Variants in OSBPL5 observed in about 807,000 individuals in gnomAD.
The protein encoded by OSBPL5 is oxysterol binding protein like 5.
Under a neutral mutation model 111.2 loss-of-function variants are expected in OSBPL5, and 71 were observed. The ratio of observed to expected loss-of-function variants is 0.64; its 90% CI spans 0.53 to 0.78. The LOEUF (loss-of-function observed/expected upper bound fraction) is 0.78, where lower values mean the gene tolerates loss of function less well. Among genes scored for constraint, OSBPL5 ranks in the 30% least tolerant of loss-of-function variants. The pLI is 0.00. For missense variants in OSBPL5, 1,210 were observed against 1,189.3 expected (o/e 1.02, Z -0.26); for synonymous variants, 549 against 513.9 (o/e 1.07, Z -0.93).
At chr11:3,103,729 C>CT (rs1401066255) in intron 10 of OSBPL5, among the ~76,000 whole-genome samples, 5 of 89,404 alleles carry the variant, frequency 5.6e-5, no homozygotes, top group South Asian at 3.7e-4. Context: ...CTCTGCTGCC[C>CT]CTTCCTGCCT....
chr11:3,152,397 C>T (rs1014856840), intron 1 of OSBPL5, among the ~76,000 whole-genome samples: 1 of 152,192 alleles, frequency 6.6e-6, no homozygotes, highest in Non-Finnish European at 1.5e-5. Context: ...ATAGGTGACA[C>T]TGGATTGCCA....
chr11:3,111,741 A>G (rs2134434817), intron 7 of OSBPL5, among the ~76,000 whole-genome samples: 1 of 152,014 alleles, frequency 6.6e-6, no homozygotes, highest in Admixed American at 6.5e-5. Context: ...GAAAAAAAAA[A>G]GAGGAAAGAT....
In OSBPL5 at chr11:3,121,013, G is replaced by A. The variant is rs1344240019; in HGVS notation, c.403-389C>T. Reference sequence around the variant, plus strand: ...AGTTCAAGGTCAAGGGCCTCAGGGAGGAACCAGCAATGAGTGGTGTGACTT... The same window carrying A: ...AGTTCAAGGTCAAGGGCCTCAGGGAAGAACCAGCAATGAGTGGTGTGACTT... On this transcript the variant is annotated intron_variant, in intron 5 of 21. Transcript: ENST00000263650. This position sits in a 1 kb window ranked among gnomAD's most constrained non-coding sequence, Gnocchi z 4.3. 1.3e-5 allele frequency among the ~76,000 whole-genome samples: 2 copies of A among 151,972 alleles called. No individual in the cohort carries two copies. Among genetic ancestry groups the A allele is most frequent in the Admixed American group, 1.3e-4 (2 of 15,250 alleles).
In OSBPL5 at chr11:3,107,574, C is replaced by A; in HGVS notation, c.867-119G>T. ...ATACGTTCCTGCCTGTCGTCACCTCCACAACCCACATTTGACACGATCAGC... is the reference window on the plus strand; with the variant it reads ...ATACGTTCCTGCCTGTCGTCACCTCAACAACCCACATTTGACACGATCAGC... On this transcript the variant is annotated intron_variant, in intron 8 of 21. Transcript: ENST00000263650. The surrounding 1 kb of genome is among the most constrained non-coding windows in gnomAD (Gnocchi z 6.1). The A allele has an allele frequency of 7.2e-7, 1 of 1,383,214 alleles. No individual in the cohort carries two copies. The allele number at this position is 1,383,214 out of a possible 1,614,324, so 85.7% of individuals were successfully genotyped here.
rs1286521404 is a variant in OSBPL5 at position 3,109,494 on chromosome 11, G to T, written c.692-1549C>A. Among the ~76,000 whole-genome samples the T allele has an allele frequency of 6.6e-6, 1 of 152,290 alleles. No homozygotes were observed. The highest frequency in any genetic ancestry group is 1.5e-5 in the Non-Finnish European group (1 of 68,026). On this transcript the variant is annotated intron_variant, in intron 7 of 21. Coordinates refer to ENST00000263650, the MANE Select transcript of OSBPL5 (RefSeq NM_020896.4). The surrounding 1 kb of genome is among the most constrained non-coding windows in gnomAD (Gnocchi z 7.4). ...GAGCCTCTGCCTTTTCGAGCTCCTG[G>T]AGACAGTGAGTTTTTCTCCCTCACT... is the stretch of plus-strand genomic sequence containing the variant.
chr11:3,151,104 G>C (rs112334132), intron 1 of OSBPL5, among the ~76,000 whole-genome samples: 123 of 152,274 alleles, frequency 8.1e-4, no homozygotes, highest in African/African-American at 2.9e-3. Context: ...AGGGGAGAAC[G>C]TGCCGTGAAG....
At chr11:3,159,869 G>A (rs1347498532) in intron 1 of OSBPL5, among the ~76,000 whole-genome samples, 2 of 152,178 alleles carry the variant, frequency 1.3e-5, no homozygotes, top group Non-Finnish European at 2.9e-5. Context: ...CCAGCCATGA[G>A]CCTCACTTTA....
At chr11:3,153,217 G>T (rs1262182372) in intron 1 of OSBPL5, among the ~76,000 whole-genome samples, 1 of 152,138 alleles carries the variant, frequency 6.6e-6, no homozygotes, top group African/African-American at 2.4e-5. Flanking sequence ...GACAATAATA[G>T]AACTTATGGC....
In OSBPL5 at chr11:3,089,752, G is replaced by A. The variant is rs375764993; in HGVS notation, c.2501+94C>T. On this transcript the variant is annotated intron_variant, in intron 21 of 21. Coordinates refer to ENST00000263650, the MANE Select transcript of OSBPL5 (RefSeq NM_020896.4). ...CAGCTCCGATGACAACCCCAGCCGC[G>A]GCCTCCTGGCCTCCCCACCTCCCGC... The A allele has an allele frequency of 1.9e-5, 23 of 1,192,066 alleles. 1 individual carries two copies. Among genetic ancestry groups the A allele is most frequent in the South Asian group, 7.9e-5 (6 of 75,860 alleles). The allele number at this position is 1,192,066 out of a possible 1,614,324, so 73.8% of individuals were successfully genotyped here. A position where few individuals can be genotyped will look rare whatever the true frequency, so the allele number is the denominator to read the frequency against.
At position 3,152,627 on chromosome 11, in the gene OSBPL5, G is replaced by A. The variant is rs566581969; in HGVS notation, c.-22+12589C>T. On this transcript the variant is annotated intron_variant, in intron 1 of 21. Transcript: ENST00000263650. ...AGGCGCGATGGGCTCGGGCTCAGGC[G>A]AGGCACGCAGCGCCCCTAAGCCTGG... is the stretch of plus-strand genomic sequence containing the variant. 4.2e-4 allele frequency among the ~76,000 whole-genome samples: 64 copies of A among 152,310 alleles called. No homozygotes were observed. The South Asian group carries it at 0.013, about 31-fold the overall frequency.
chr11:3,124,920 A>G (rs1858558509), intron 3 of OSBPL5, among the ~76,000 whole-genome samples: 1 of 152,180 alleles, frequency 6.6e-6, no homozygotes, highest in Non-Finnish European at 1.5e-5. Context: ...ATTTGAGGCA[A>G]CAGGGGAAGA....
rs950761189 is a variant in OSBPL5 at position 3,087,512 on chromosome 11, C to G, written c.*693G>C. 1.3e-5 allele frequency: 2 copies of G among 153,376 alleles called. No homozygotes were observed. Among genetic ancestry groups the G allele is most frequent in the Non-Finnish European group, 2.9e-5 (2 of 68,354 alleles). 9.5% of individuals were successfully genotyped at this position (153,376 alleles called of 1,614,324 possible). ...CAGCTAAGCCACACCCCTGCGCCCC[C>G]CACACCCCTGCACACACCTGCACCC... On this transcript the variant is annotated 3_prime_UTR_variant, in exon 22 of 22. Transcript: ENST00000263650.
chr11:3,158,731 C>T (rs935439032), intron 1 of OSBPL5, among the ~76,000 whole-genome samples: 4 of 152,230 alleles, frequency 2.6e-5, no homozygotes, highest in African/African-American at 9.6e-5. Flanking sequence ...CACTCAGTCT[C>T]AAACCTTTGA....
chr11:3,103,873 T>A (rs114994605), intron 10 of OSBPL5, among the ~76,000 whole-genome samples: 3,111 of 21,986 alleles, frequency 0.14, 151 homozygotes, highest in Non-Finnish European at 0.17. Flanking sequence ...GCCCCCTTCC[T>A]GCCTCTGTAG....
rs1564837418 is a variant in OSBPL5, at chr11:3,112,045, GCA to G, written c.692-4102_692-4101del. Among the ~76,000 whole-genome samples, 132 of 66,536 alleles carry G rather than the reference GCA, an allele frequency of 2.0e-3. 1 individual carries two copies. The highest frequency in any genetic ancestry group is 2.4e-3 in the Non-Finnish European group (71 of 29,454). The allele number at this position is 66,536 out of a possible 152,430, so 43.7% of individuals were successfully genotyped here. ...TGTGCATGTGTGTGTATGTGTGCGC[GCA>G]TGTGTGTGCATGTGTATGTGTGTGT... On this transcript the variant is annotated intron_variant, in intron 7 of 21. Coordinates refer to ENST00000263650, the MANE Select transcript of OSBPL5 (RefSeq NM_020896.4).
At position 3,130,209 on chromosome 11, in the gene OSBPL5, C is replaced by T. The variant is rs114451848; in HGVS notation, c.-21-1040G>A. 0.023 allele frequency among the ~76,000 whole-genome samples: 3,572 copies of T among 152,330 alleles called. 51 individuals are homozygous for T. The highest frequency in any genetic ancestry group is 0.044 in the Middle Eastern group (13 of 294). On this transcript the variant is annotated intron_variant, in intron 1 of 21. Transcript: ENST00000263650. The surrounding 1 kb of genome is among the most constrained non-coding windows in gnomAD (Gnocchi z 4.5). Reference sequence around the variant, plus strand: ...GCCTCGACCTGTAATCGTGACCTGACAAGGGTTGGCAGAGCATCCCCTCCA... The same window carrying T: ...GCCTCGACCTGTAATCGTGACCTGATAAGGGTTGGCAGAGCATCCCCTCCA...
In OSBPL5 at chr11:3,106,510, G is replaced by A. The variant is rs1016834310; in HGVS notation, c.1059+753C>T. Among the ~76,000 whole-genome samples the A allele has an allele frequency of 8.6e-5, 13 of 151,926 alleles. No individual in the cohort carries two copies. The highest frequency in any genetic ancestry group is 2.7e-4 in the African/African-American group (11 of 41,346). On this transcript the variant is annotated intron_variant, in intron 9 of 21. Coordinates refer to ENST00000263650, the MANE Select transcript of OSBPL5 (RefSeq NM_020896.4). This position sits in a 1 kb window ranked among gnomAD's most constrained non-coding sequence, Gnocchi z 8.4. ...CCTTCCGGACTCCCCTTCCTGAGGCGCCCCACGGTGCCCAGGGCCACGTGA... is the reference window on the plus strand; with the variant it reads ...CCTTCCGGACTCCCCTTCCTGAGGCACCCCACGGTGCCCAGGGCCACGTGA...
chr11:3,149,011 C>T (rs780782611), intron 1 of OSBPL5, among the ~76,000 whole-genome samples: 7 of 152,174 alleles, frequency 4.6e-5, no homozygotes, highest in Non-Finnish European at 7.4e-5. Flanking sequence ...AGAGCATGGA[C>T]CCCCAGAGGC....
intron 11 of OSBPL5, among the ~76,000 whole-genome samples, 182 bp from the exon 12 acceptor site, chr11:3,102,463 G>A (rs949464081): frequency 3.3e-5 from 5 of 152,218 alleles, no homozygotes; most frequent in Non-Finnish European, 7.3e-5. Flanking sequence ...TGCTTTGCCT[G>A]TGGTTTACAT....
Sources: allele counts gnomAD v4.1 joint callset (sites outside exome capture counted in the v4.1 genomes callset), GRCh38; gene constraint gnomAD v4.1.1; non-coding constraint Gnocchi (gnomAD v3.1); transcripts MANE v1.5; gene names NCBI Gene and HGNC (gene_info 2026-07-23, HGNC 2026-07-21).